The following CPS1 variants were observed in gnomAD, a reference collection of about 807,000 sequenced individuals.
CPS1 encodes the protein carbamoyl-phosphate synthase [ammonia], mitochondrial.
A neutral mutation model predicts 174.6 loss-of-function variants in CPS1; 109 were observed. The observed-to-expected ratio is 0.62, with a 90% CI of 0.53 to 0.73. The LOEUF (loss-of-function observed/expected upper bound fraction) is 0.73. Ranked by LOEUF, CPS1 falls within the 30% of genes least tolerant of loss-of-function variation. The pLI is 0.00. For missense variants in CPS1, 1,689 were observed against 1,821.9 expected (o/e 0.93, Z 1.33); for synonymous variants, 637 against 632.0 (o/e 1.01, Z -0.12).
intron 2 of CPS1, 50 bp from the exon 3 acceptor site, chr2:210,576,296 T>G: frequency 6.3e-7 from 1 of 1,592,620 alleles, no homozygotes; most frequent in Non-Finnish European, 8.6e-7. Context: ...GATTATAGCT[T>G]TGTAGTTACA....
intron 24 of CPS1, 79 bp downstream of exon 24, chr2:210,640,138 C>A: frequency 3.1e-6 from 3 of 958,608 alleles, no homozygotes; most frequent in Non-Finnish European, 4.9e-6. Context: ...TCCATTATTC[C>A]AAGAACTATA....
intron 1 of CPS1, among the ~76,000 whole-genome samples, chr2:210,517,163 A>T (rs1695704594): frequency 6.6e-6 from 1 of 151,988 alleles, no homozygotes; most frequent in African/African-American, 2.4e-5. Context: ...AACCTAAGGA[A>T]AGTCCAAGAC....
chr2:210,669,375 A>T (rs1250676199), intron 34 of CPS1, among the ~76,000 whole-genome samples: 1 of 152,142 alleles, frequency 6.6e-6, no homozygotes, highest in East Asian at 1.9e-4. Context: ...CCTATGAAAA[A>T]CAACAAATGG....
intron 25 of CPS1, among the ~76,000 whole-genome samples, chr2:210,646,579 TTA>T: frequency 6.6e-6 from 1 of 152,240 alleles, no homozygotes; most frequent in Non-Finnish European, 1.5e-5. Context: ...CTAATATTCA[TTA>T]GTGGGTCATT....
intron 1 of CPS1, among the ~76,000 whole-genome samples, chr2:210,544,765 T>G (rs1696519106): frequency 6.6e-6 from 1 of 152,068 alleles, no homozygotes; most frequent in Admixed American, 6.6e-5. Context: ...TATGGCATTC[T>G]GAAGTATAAT....
At chr2:210,534,059 G>A (rs1696185490) in intron 1 of CPS1, among the ~76,000 whole-genome samples, 2 of 152,172 alleles carry the variant, frequency 1.3e-5, no homozygotes, top group South Asian at 4.1e-4. Context: ...TGTAATTTGA[G>A]TGATACAGCC....
chr2:210,661,745 G>A (rs948212020), intron 32 of CPS1, among the ~76,000 whole-genome samples: 3 of 151,918 alleles, frequency 2.0e-5, no homozygotes, highest in Admixed American at 6.6e-5. Flanking sequence ...TGAGACCAAC[G>A]ATTAGTAGCC....
At chr2:210,511,144 A>G (rs1695477616) in intron 1 of CPS1, among the ~76,000 whole-genome samples, 2 of 152,316 alleles carry the variant, frequency 1.3e-5, no homozygotes, top group South Asian at 2.1e-4. Context: ...ATGTCCAACA[A>G]TGATAGACTG....
chr2:210,622,217 G>A (rs1699552036), intron 21 of CPS1, among the ~76,000 whole-genome samples: 1 of 151,444 alleles, frequency 6.6e-6, no homozygotes, highest in Non-Finnish European at 1.5e-5. Flanking sequence ...TTACATGTAA[G>A]TATATACCTA....
At chr2:210,495,211 T>C (rs536645664) in intron 1 of CPS1, among the ~76,000 whole-genome samples, 16 of 152,318 alleles carry the variant, frequency 1.1e-4, no homozygotes, top group African/African-American at 2.2e-4. Context: ...AGAGTTCTTA[T>C]GCAGCGCAAA....
intron 1 of CPS1, among the ~76,000 whole-genome samples, chr2:210,488,567 G>C (rs574058407): frequency 2.6e-5 from 4 of 152,268 alleles, no homozygotes; most frequent in South Asian, 4.1e-4. Flanking sequence ...TGCTGCACCT[G>C]CTGTGATAGT....
At chr2:210,521,430 C>T (rs1254519300) in intron 1 of CPS1, among the ~76,000 whole-genome samples, 7 of 151,718 alleles carry the variant, frequency 4.6e-5, no homozygotes, top group Admixed American at 4.6e-4. Context: ...GCTTGAGGAT[C>T]ATTGAGCTTG....
intron 27 of CPS1, 110 bp from the exon 28 acceptor site, chr2:210,650,253 T>A: frequency 1.1e-6 from 1 of 879,534 alleles, no homozygotes; most frequent in Non-Finnish European, 1.9e-6. Context: ...AGAGGCACCT[T>A]CTTATTCAGC....
intron 24 of CPS1, among the ~76,000 whole-genome samples, chr2:210,640,863 A>G (rs574429339): frequency 6.6e-6 from 1 of 152,282 alleles, no homozygotes; most frequent in South Asian, 2.1e-4. Context: ...TATCTTTACC[A>G]CCTTAGTCAT....
intron 1 of CPS1, among the ~76,000 whole-genome samples, chr2:210,545,737 A>C (rs577313681): frequency 2.6e-5 from 4 of 152,028 alleles, no homozygotes; most frequent in African/African-American, 2.4e-5. Context: ...GGATATTTAC[A>C]ATTTTACTCA....
intron 7 of CPS1, 22 bp downstream of exon 7, chr2:210,588,169 A>G: frequency 6.3e-7 from 1 of 1,598,586 alleles, no homozygotes; most frequent in East Asian, 2.2e-5. Context: ...GTTCATTTCA[A>G]AGGTGAGGGT....
In CPS1 at chr2:210,678,272, T is replaced by C. The variant is rs1366666132; in HGVS notation, c.*287T>C. ...TGCTTATGTGTAGCTTTTTACTTTT[T>C]ATGGTGCTGATTAATGGTGATCAAG... is the stretch of plus-strand genomic sequence containing the variant. On this transcript the variant is annotated 3_prime_UTR_variant, in exon 38 of 38. Coordinates refer to ENST00000233072, the MANE Select transcript of CPS1 (RefSeq NM_001875.5). 2 of 451,192 alleles carry C rather than the reference T, an allele frequency of 4.4e-6. No individual in the cohort carries two copies. The highest frequency in any genetic ancestry group is 3.4e-5 in the Admixed American group (1 of 29,144). The allele number at this position is 451,192 out of a possible 1,614,324, so 27.9% of individuals were successfully genotyped here.
chr2:210,604,881 G>T, intron 16 of CPS1: 1 of 541,018 alleles, frequency 1.8e-6, no homozygotes, highest in South Asian at 2.2e-5. Flanking sequence ...ACTTTGAATG[G>T]CAAGCCTCAA....
chr2:210,655,817 A>G (rs1208121090), intron 29 of CPS1, among the ~76,000 whole-genome samples: 1 of 152,162 alleles, frequency 6.6e-6, no homozygotes, highest in African/African-American at 2.4e-5. Context: ...TAAGTCTTTT[A>G]TACCTACCCA....
Sources: gnomAD v4.1 joint callset for allele counts (sites outside exome capture counted in the v4.1 genomes callset) on GRCh38, gnomAD v4.1.1 for gene constraint, MANE v1.5 for transcripts, NCBI Gene and HGNC (gene_info 2026-07-23, HGNC 2026-07-21) for gene names.